The following ULK4 variants were observed in gnomAD, a reference collection of about 807,000 sequenced individuals.
ULK4 encodes inactive serine/threonine-protein kinase ULK4.
In ULK4, 133 loss-of-function variants were observed where a neutral mutation model predicts 160.6. The observed-to-expected ratio is 0.83, with a 90% confidence interval of 0.72 to 0.96. The LOEUF is 0.96. Ranked by LOEUF, ULK4 falls within the 40% of genes least tolerant of loss-of-function variation. The pLI is 0.00. For synonymous variants in ULK4, 534 were observed against 539.8 expected (o/e 0.99, Z 0.15); for missense variants, 1,580 against 1,499.5 (o/e 1.05, Z -0.89).
intron 35 of ULK4, among the ~76,000 whole-genome samples, chr3:41,307,009 C>A (rs986362029): frequency 6.6e-6 from 1 of 150,782 alleles, no homozygotes; most frequent in Admixed American, 6.6e-5. Flanking sequence ...ACAAACACTG[C>A]GGAAGGCCGC....
chr3:41,411,997 T>C (rs867440446), intron 34 of ULK4, among the ~76,000 whole-genome samples: 1 of 152,110 alleles, frequency 6.6e-6, no homozygotes, highest in Non-Finnish European at 1.5e-5. Context: ...ATTGGAAAAG[T>C]AGTAATACAG....
At chr3:41,897,932 C>G (rs1267522378) in intron 14 of ULK4, among the ~76,000 whole-genome samples, 2 of 152,088 alleles carry the variant, frequency 1.3e-5, no homozygotes, top group African/African-American at 4.8e-5. Flanking sequence ...TGATGGTCAC[C>G]CTAAATAAGA....
intron 35 of ULK4, among the ~76,000 whole-genome samples, chr3:41,301,617 A>G (rs959090779): frequency 2.6e-5 from 4 of 152,244 alleles, no homozygotes; most frequent in African/African-American, 9.6e-5. Context: ...AAAGGCATAC[A>G]TCTGAGGAAA....
chr3:41,776,347 TACA>T (rs2039620761), intron 21 of ULK4, among the ~76,000 whole-genome samples: 1 of 150,826 alleles, frequency 6.6e-6, no homozygotes, highest in African/African-American at 2.5e-5. Context: ...AAAGTTTCCC[TACA>T]ACAAGATCAC....
At chr3:41,355,310 T>C (rs1035194648) in intron 35 of ULK4, among the ~76,000 whole-genome samples, 2 of 152,158 alleles carry the variant, frequency 1.3e-5, no homozygotes, top group African/African-American at 2.4e-5. Context: ...GGGAAAGAGA[T>C]ACAATCCTGG....
intron 35 of ULK4, among the ~76,000 whole-genome samples, chr3:41,362,602 A>G (rs2081169019): frequency 6.6e-6 from 1 of 152,198 alleles, no homozygotes. Context: ...CTCAGATTTT[A>G]TAACTCTAAA....
chr3:41,451,336 A>G (rs766910557), intron 34 of ULK4, among the ~76,000 whole-genome samples: 27 of 151,936 alleles, frequency 1.8e-4, no homozygotes, highest in Non-Finnish European at 3.1e-4. Context: ...TAAACTGAGC[A>G]GAGGGGTAGC....
chr3:41,707,665 G>A (rs1047122807), intron 25 of ULK4, among the ~76,000 whole-genome samples: 11 of 151,724 alleles, frequency 7.3e-5, no homozygotes, highest in African/African-American at 9.7e-5. Context: ...GACTGTCTCC[G>A]CAGAAAAATA....
At chr3:41,556,187 A>C (rs144889689) in intron 32 of ULK4, among the ~76,000 whole-genome samples, 71 of 152,316 alleles carry the variant, frequency 4.7e-4, no homozygotes, top group Non-Finnish European at 9.4e-4. Flanking sequence ...AAAAGTTTTT[A>C]AAAAGCACAA....
chr3:41,887,629 G>A (rs970598159), intron 16 of ULK4, among the ~76,000 whole-genome samples: 2 of 152,112 alleles, frequency 1.3e-5, no homozygotes, highest in African/African-American at 4.8e-5. Flanking sequence ...AGGCCAGCCT[G>A]GCCAACATGG....
intron 34 of ULK4, among the ~76,000 whole-genome samples, chr3:41,427,925 A>G (rs939053287): frequency 3.9e-5 from 6 of 152,296 alleles, no homozygotes; most frequent in African/African-American, 1.4e-4. Flanking sequence ...GGCCAGGGCA[A>G]TCAAGCAAGA....
intron 35 of ULK4, among the ~76,000 whole-genome samples, chr3:41,364,438 T>C (rs2081211756): frequency 6.6e-6 from 1 of 152,242 alleles, no homozygotes; most frequent in Admixed American, 6.5e-5. Context: ...AGTATGTAAA[T>C]ATTGTCATTT....
Position 41,693,501 on chromosome 3 carries a change from T to C in ULK4, c.2781+11556A>G, listed in dbSNP as rs545475009. Among the ~76,000 whole-genome samples the C allele has an allele frequency of 5.3e-5, 8 of 152,292 alleles. No homozygotes were observed. In the South Asian group the frequency reaches 1.2e-3, roughly 24 times the overall value. On this transcript the variant is annotated intron_variant, in intron 27 of 36. Coordinates refer to ENST00000301831, the MANE Select transcript of ULK4 (RefSeq NM_017886.4). Reference sequence around the variant, plus strand: ...AAGAGTGAGAAAAATCTCTAAGAACTGATATGGAGTAATTTCTAACACTCA... The same window carrying C: ...AAGAGTGAGAAAAATCTCTAAGAACCGATATGGAGTAATTTCTAACACTCA...
At chr3:41,725,352 C>T (rs558287567) in intron 22 of ULK4, among the ~76,000 whole-genome samples, 21 of 152,148 alleles carry the variant, frequency 1.4e-4, no homozygotes, top group African/African-American at 4.8e-4. Context: ...TATCTATTAT[C>T]GTTTATTATA....
At chr3:41,668,400 A>T (rs903096218) in intron 29 of ULK4, among the ~76,000 whole-genome samples, 2 of 152,104 alleles carry the variant, frequency 1.3e-5, no homozygotes, top group Admixed American at 6.6e-5. Context: ...TCATATAAAA[A>T]TTTTTTTCTG....
intron 34 of ULK4, among the ~76,000 whole-genome samples, chr3:41,439,747 C>A (rs2083120557): frequency 6.6e-6 from 1 of 152,108 alleles, no homozygotes; most frequent in South Asian, 2.1e-4. Context: ...GCTAGTTGAT[C>A]AATCTCTACA....
At chr3:41,602,248 AG>A (rs1484960874) in intron 31 of ULK4, among the ~76,000 whole-genome samples, 58 of 136,876 alleles carry the variant, frequency 4.2e-4, no homozygotes, top group Non-Finnish European at 8.0e-4. Context: ...GGGAAGGAAG[AG>A]AAAAAGGAAA....
chr3:41,806,353 A>C (rs1373838240), intron 19 of ULK4, among the ~76,000 whole-genome samples: 2 of 151,450 alleles, frequency 1.3e-5, no homozygotes, highest in Non-Finnish European at 2.9e-5. Context: ...CTTTTTATTG[A>C]GTCTATTTGA....
intron 30 of ULK4, among the ~76,000 whole-genome samples, chr3:41,660,292 G>A (rs555756888): frequency 4.7e-4 from 69 of 148,234 alleles, no homozygotes; most frequent in African/African-American, 1.7e-3. Context: ...GTGAAACTCC[G>A]TCTCAAAAAA....
Sources: allele counts gnomAD v4.1 joint callset (sites outside exome capture counted in the v4.1 genomes callset), GRCh38; gene constraint gnomAD v4.1.1; transcripts MANE v1.5; gene names NCBI Gene and HGNC (gene_info 2026-07-23, HGNC 2026-07-21).